UGT1A1: variants seen among roughly 807,000 people sequenced by gnomAD.
The protein encoded by UGT1A1 is UDP glucuronosyltransferase family 1 member A1, also known as UDP-glucuronosyltransferase 1A1.
UGT1A1 carries 33 observed loss-of-function variants against 40.6 expected under a neutral mutation model. That is an observed-to-expected ratio of 0.81 (90% CI 0.62 to 1.09). The LOEUF is 1.09. UGT1A1 is among the 50% of genes least tolerant of loss of function. UGT1A1 has a pLI of 0.00. For synonymous variants in UGT1A1, 249 were observed against 265.0 expected (o/e 0.94, Z 0.59); for missense variants, 694 against 671.2 (o/e 1.03, Z -0.38).
intron 4 of UGT1A1, chr2:233,771,329 T>A (rs751904173): frequency 3.9e-5 from 6 of 152,320 alleles, no homozygotes; most frequent in Middle Eastern, 6.8e-3. Flanking sequence ...TTCAATCTCC[T>A]CTTCATTCCT....
rs1413528689 is a variant in UGT1A1, at chr2:233,768,429, A to G, written c.1294A>G (p.Asn432Asp). Residue 432 changes from asparagine to aspartate, a missense_variant, in exon 4 of 5, where the codon AAT becomes GAT. By Grantham distance (23) the Asn-to-Asp change is conservative. Transcript: ENST00000305208. Reference protein sequence around the residue: ...DLENALKAVINDKSYKENIMR... With the variant: ...DLENALKAVIDDKSYKENIMR... ...AGAAAATGCTCTAAAAGCAGTCATC[A>G]ATGACAAAAGGTAAGAAAGAAGATA... is the stretch of plus-strand genomic sequence containing the variant. The G allele has an allele frequency of 6.8e-6, 11 of 1,614,042 alleles. No homozygotes were observed. The highest frequency in any genetic ancestry group is 9.3e-6 in the Non-Finnish European group (11 of 1,179,964).
intron 1 of UGT1A1, among the ~76,000 whole-genome samples, chr2:233,766,331 T>C (rs1699119647): frequency 6.6e-6 from 1 of 152,150 alleles, no homozygotes; most frequent in African/African-American, 2.4e-5. Context: ...CTCCGCGTTG[T>C]TCTGCTGGTC....
At position 233,773,283 on chromosome 2, in the gene UGT1A1, A is replaced by G. The variant is rs1700573632; in HGVS notation, c.*724A>G. 6.6e-6 allele frequency: 1 copy of G among 152,180 alleles called. No homozygotes were observed. The highest frequency in any genetic ancestry group is 1.5e-5 in the Non-Finnish European group (1 of 68,034). 9.4% of individuals were successfully genotyped at this position (152,180 alleles called of 1,614,324 possible). Reference sequence around the variant, plus strand: ...TTCCTACAACTAAAAATAAATTAATAAATTTATATAAATTCTATTTAAGTG... The same window carrying G: ...TTCCTACAACTAAAAATAAATTAATGAATTTATATAAATTCTATTTAAGTG... On this transcript the variant is annotated 3_prime_UTR_variant, in exon 5 of 5. Coordinates refer to ENST00000305208, the MANE Select transcript of UGT1A1 (RefSeq NM_000463.3).
chr2:233,761,127 C>A lies in UGT1A1; in HGVS notation c.840C>A (p.Cys280Ter), dbSNP rs281865418. 1.2e-6 allele frequency: 2 copies of A among 1,614,174 alleles called. No individual in the cohort carries two copies. Among genetic ancestry groups the A allele is most frequent in the South Asian group, 1.1e-5 (1 of 91,074 alleles). The change falls in exon 1 of 5, where the codon TGC becomes TGA. Residue 280 changes from cysteine to a stop codon, truncating the protein, a stop_gained. Transcript: ENST00000305208. LOFTEE classifies it high-confidence loss of function. ...TGGTTTTTGTTGGTGGAATCAACTGCCTTCACCAAAATCCACTATCCCAGG... is the reference window on the plus strand; with the variant it reads ...TGGTTTTTGTTGGTGGAATCAACTGACTTCACCAAAATCCACTATCCCAGG... Reference protein sequence around the residue: ...PNMVFVGGINCLHQNPLSQEF... With the variant: ...PNMVFVGGIN
rs1453639780 is a variant in UGT1A1 at position 233,760,886 on chromosome 2, A to C, written c.599A>C (p.His200Pro). Reference protein sequence around the residue: ...FSYVPRPLSSHSDHMTFLQRV... With the variant: ...FSYVPRPLSSPSDHMTFLQRV... ...TACGTGCCCAGGCCTCTCTCCTCTC[A>C]TTCAGATCACATGACCTTCCTGCAG... Residue 200 changes from histidine (H) to proline (P), a missense_variant, in exon 1 of 5, where the codon CAT becomes CCT. By Grantham distance (77) the His-to-Pro change is moderately conservative (BLOSUM62 -2). Transcript: ENST00000305208. The C allele has an allele frequency of 8.7e-6, 14 of 1,613,816 alleles. No individual in the cohort carries two copies. Among genetic ancestry groups the C allele is most frequent in the Non-Finnish European group, 1.1e-5 (13 of 1,179,984 alleles).
At position 233,760,569 on chromosome 2, in the gene UGT1A1, T is replaced by C. The variant is rs146052898; in HGVS notation, c.282T>C (p.Ser94=). Residue 94 remains serine (S), a synonymous_variant, in exon 1 of 5, where the codon AGT becomes AGC. Transcript: ENST00000305208. The part of the protein sequence containing the change: ...QREDVKESFV[S]LGHNVFENDS... ...AGGATGTGAAAGAGTCTTTTGTTAGTCTCGGGCATAATGTTTTTGAGAATG... is the reference window on the plus strand; with the variant it reads ...AGGATGTGAAAGAGTCTTTTGTTAGCCTCGGGCATAATGTTTTTGAGAATG... 389 of 1,614,128 alleles carry C rather than the reference T, an allele frequency of 2.4e-4. No homozygotes were observed. The highest frequency in any genetic ancestry group is 3.1e-4 in the Non-Finnish European group (360 of 1,180,054).
chr2:233,772,248 G>C lies in UGT1A1; in HGVS notation c.1305-14G>C. 2 of 1,614,220 alleles carry C rather than the reference G, an allele frequency of 1.2e-6. No homozygotes were observed. Among genetic ancestry groups the C allele is most frequent in the Non-Finnish European group, 1.7e-6 (2 of 1,180,034 alleles). ...CAGGTGTTCCAGGCATAACGAAACT[G>C]TCTTTGTGTTTAGTTACAAGGAGAA... On this transcript the variant is annotated splice_polypyrimidine_tract_variant and intron_variant, in intron 4 of 4. Transcript: ENST00000305208.
chr2:233,767,130 G>A lies in UGT1A1; in HGVS notation c.961G>A (p.Ala321Thr). The A allele has an allele frequency of 6.2e-7, 1 of 1,614,080 alleles. No individual in the cohort carries two copies. The highest frequency in any genetic ancestry group is 8.5e-7 in the Non-Finnish European group (1 of 1,180,012). The change falls in exon 2 of 5, where the codon GCA (alanine) becomes ACA (threonine). Residue 321 changes from alanine (A) to threonine (T), a missense_variant. Ala to Thr is a moderately conservative substitution (Grantham distance 58). Coordinates refer to ENST00000305208, the MANE Select transcript of UGT1A1 (RefSeq NM_000463.3). ...VSEIPEKKAM[A>T]IADALGKIPQ... ...AGAAATTCCAGAGAAGAAAGCTATGGCAATTGCTGATGCTTTGGGCAAAAT... is the reference window on the plus strand; with the variant it reads ...AGAAATTCCAGAGAAGAAAGCTATGACAATTGCTGATGCTTTGGGCAAAAT...
intron 4 of UGT1A1, 66 bp downstream of exon 4, chr2:233,768,505 A>G (rs1285600562): frequency 6.4e-7 from 1 of 1,563,990 alleles, no homozygotes; most frequent in Non-Finnish European, 8.7e-7. Flanking sequence ...TTCAAATATG[A>G]AAACATTTAC....
chr2:233,771,328 C>G (rs11888492), intron 4 of UGT1A1: 27,690 of 151,958 alleles, frequency 0.18, 3,662 homozygotes, highest in African/African-American at 0.37. Flanking sequence ...CTTCAATCTC[C>G]TCTTCATTCC....
At chr2:233,762,213 C>T (rs889171473) in intron 1 of UGT1A1, among the ~76,000 whole-genome samples, 1 of 152,104 alleles carries the variant, frequency 6.6e-6, no homozygotes, top group Non-Finnish European at 1.5e-5. Flanking sequence ...ATTTGGCGCC[C>T]CATAAATCTC....
chr2:233,768,295 C>A lies in UGT1A1; in HGVS notation c.1160C>A (p.Pro387His). 1.9e-6 allele frequency: 3 copies of A among 1,614,158 alleles called. No individual in the cohort carries two copies. Among genetic ancestry groups the A allele is most frequent in the South Asian group, 2.2e-5 (2 of 91,082 alleles). ...GVYESICNGV[P>H]MVMMPLFGDQ... The stretch of plus-strand genomic sequence containing the variant: ...TATGAAAGCATATGCAATGGCGTTC[C>A]CATGGTGATGATGCCCTTGTTTGGT... Residue 387 changes from proline (P) to histidine (H), a missense_variant, in exon 4 of 5, where the codon CCC (proline) becomes CAC (histidine). Coordinates refer to ENST00000305208, the MANE Select transcript of UGT1A1 (RefSeq NM_000463.3).
At position 233,772,889 on chromosome 2, in the gene UGT1A1, T is replaced by C. The variant is rs1433214773; in HGVS notation, c.*330T>C. 3.8e-6 allele frequency: 2 copies of C among 531,532 alleles called. No homozygotes were observed. The highest frequency in any genetic ancestry group is 5.3e-5 in the East Asian group (1 of 18,828). 32.9% of individuals were successfully genotyped at this position (531,532 alleles called of 1,614,324 possible). On this transcript the variant is annotated 3_prime_UTR_variant, in exon 5 of 5. Transcript: ENST00000305208. Reference sequence around the variant, plus strand: ...TGTTTGGGAGTGCGGGATTCAAAGGTGGTCCCACGGCTGCCCCTACTGCAA... The same window carrying C: ...TGTTTGGGAGTGCGGGATTCAAAGGCGGTCCCACGGCTGCCCCTACTGCAA...
chr2:233,762,314 C>T (rs548976022), intron 1 of UGT1A1, among the ~76,000 whole-genome samples: 27 of 152,272 alleles, frequency 1.8e-4, no homozygotes, highest in African/African-American at 5.3e-4. Context: ...GTTAATGGGT[C>T]GAGAGTAATC....
intron 1 of UGT1A1, among the ~76,000 whole-genome samples, chr2:233,762,777 G>A (rs1698161345): frequency 6.7e-6 from 1 of 149,832 alleles, no homozygotes; most frequent in Non-Finnish European, 1.5e-5. Flanking sequence ...ATCTCTAGCT[G>A]ATTATCTACT....
At position 233,769,266 on chromosome 2, in the gene UGT1A1, CA is replaced by C. The variant is rs1253780369; in HGVS notation, c.1304+830del. ...CTCAAATGTGGCCCTGAAAACGATT[CA>C]AAGGGCAAATGATTTCTGGATTAAA... is the stretch of plus-strand genomic sequence containing the variant. On this transcript the variant is annotated intron_variant, in intron 4 of 4. Coordinates refer to ENST00000305208, the MANE Select transcript of UGT1A1 (RefSeq NM_000463.3). The surrounding 1 kb of genome is among the most constrained non-coding windows in gnomAD (Gnocchi z 4.4). Among the ~76,000 whole-genome samples, 1 of 152,194 alleles carries C rather than the reference CA, an allele frequency of 6.6e-6. No individual in the cohort carries two copies. The highest frequency in any genetic ancestry group is 1.5e-5 in the Non-Finnish European group (1 of 68,034).
chr2:233,767,839 C>T lies in UGT1A1; in HGVS notation c.997-10C>T. 6.2e-7 allele frequency: 1 copy of T among 1,614,144 alleles called. No homozygotes were observed. Among genetic ancestry groups the T allele is most frequent in the South Asian group, 1.1e-5 (1 of 91,080 alleles). ...CTTTCTTTACGTTCTGCTCTTTTTG[C>T]CCCTCCCAGGTCCTGTGGCGGTACA... On this transcript the variant is annotated splice_polypyrimidine_tract_variant and intron_variant, in intron 2 of 4. Transcript: ENST00000305208.
Position 233,760,404 on chromosome 2 carries a change from C to T in UGT1A1, c.117C>T (p.His39=), listed in dbSNP as rs1211296854. Residue 39 remains histidine (H), a synonymous_variant, in exon 1 of 5, where the codon CAC becomes CAT. Transcript: ENST00000305208. Reference sequence around the variant, plus strand: ...TGTTGATCCCAGTGGATGGCAGCCACTGGCTGAGCATGCTTGGGGCCATCC... The same window carrying T: ...TGTTGATCCCAGTGGATGGCAGCCATTGGCTGAGCATGCTTGGGGCCATCC... ...KILLIPVDGS[H]WLSMLGAIQQ... is the part of the protein sequence containing the mutation. 1.2e-6 allele frequency: 2 copies of T among 1,614,220 alleles called. No individual in the cohort carries two copies. The highest frequency in any genetic ancestry group is 8.5e-7 in the Non-Finnish European group (1 of 1,180,044).
Position 233,760,316 on chromosome 2 carries a change from C to T in UGT1A1, c.29C>T (p.Pro10Leu). The T allele has an allele frequency of 6.2e-7, 1 of 1,614,002 alleles. No homozygotes were observed. The highest frequency in any genetic ancestry group is 1.1e-5 in the South Asian group (1 of 91,070). Residue 10 changes from proline (P) to leucine (L), a missense_variant, in exon 1 of 5, where the codon CCA becomes CTA. By Grantham distance (98) the Pro-to-Leu change is moderately conservative (BLOSUM62 -3). Coordinates refer to ENST00000305208, the MANE Select transcript of UGT1A1 (RefSeq NM_000463.3). MAVESQGGRPLVLGLLLCVL... is the reference protein window; with the variant it reads MAVESQGGRLLVLGLLLCVL... ...GCTGTGGAGTCCCAGGGCGGACGCC[C>T]ACTTGTCCTGGGCCTGCTGCTGTGT...
Sources: allele counts gnomAD v4.1 joint callset (sites outside exome capture counted in the v4.1 genomes callset), GRCh38; gene constraint gnomAD v4.1.1; non-coding constraint Gnocchi (gnomAD v3.1); transcripts MANE v1.5; gene names NCBI Gene and HGNC (gene_info 2026-07-23, HGNC 2026-07-21).